LCOR: variants seen among roughly 807,000 people sequenced by gnomAD.
LCOR encodes the protein ligand-dependent corepressor.
LCOR carries 14 observed loss-of-function variants against 64.4 expected under a neutral mutation model. The observed-to-expected ratio is 0.22, with a 90% confidence interval of 0.14 to 0.34. The LOEUF (loss-of-function observed/expected upper bound fraction) is 0.34, where lower values mean the gene tolerates loss of function less well. LCOR is among the 10% of genes least tolerant of loss of function. The pLI is 1.00. For missense variants in LCOR, 1,686 were observed against 1,765.3 expected (o/e 0.96, Z 0.80); for synonymous variants, 643 against 642.5 (o/e 1.00, Z -0.01).
intron 7 of LCOR, among the ~76,000 whole-genome samples, chr10:96,980,166 A>C (rs1848071932): frequency 6.7e-6 from 1 of 150,144 alleles, no homozygotes; most frequent in Admixed American, 6.6e-5. Flanking sequence ...ACAAAACAAA[A>C]AAAAAAAACT....
intron 4 of LCOR, among the ~76,000 whole-genome samples, chr10:96,943,296 A>G (rs1360597001): frequency 3.2e-4 from 48 of 152,062 alleles, no homozygotes. Context: ...GGGTTTCACC[A>G]TTGTTGGCCA....
At chr10:96,882,822 C>T (rs989028283) in intron 2 of LCOR, among the ~76,000 whole-genome samples, 18 of 152,040 alleles carry the variant, frequency 1.2e-4, no homozygotes, top group African/African-American at 4.3e-4. Flanking sequence ...AGTTGGAATC[C>T]TATAGTATGT....
chr10:96,868,670 T>G (rs1354965932), intron 2 of LCOR, among the ~76,000 whole-genome samples: 2 of 152,208 alleles, frequency 1.3e-5, no homozygotes, highest in Non-Finnish European at 2.9e-5. Flanking sequence ...TAGTCTAACC[T>G]TTCGTATCAG....
chr10:96,923,851 G>T (rs1346757220), intron 4 of LCOR, among the ~76,000 whole-genome samples: 1 of 152,130 alleles, frequency 6.6e-6, no homozygotes, highest in East Asian at 1.9e-4. Flanking sequence ...CTAGCCCACA[G>T]GCTGTTTTTA....
At chr10:96,836,722 G>A (rs1424167171) in intron 2 of LCOR, among the ~76,000 whole-genome samples, 1 of 152,196 alleles carries the variant, frequency 6.6e-6, no homozygotes, top group Non-Finnish European at 1.5e-5. Context: ...GATGGAAAAG[G>A]CATTCCATTC....
At position 96,990,685 on chromosome 10, in the gene LCOR, C is replaced by CT. The variant is rs1848192398; in HGVS notation, c.*5555dup. ...TTTGTGGAGTGTGTCCTTGCTCAGG[C>CT]TTTTGCCTTGGGATTGAACCGAAGC... On this transcript the variant is annotated 3_prime_UTR_variant, in exon 8 of 8. Transcript: ENST00000421806. 1 of 152,308 alleles carries CT rather than the reference C, an allele frequency of 6.6e-6. No individual in the cohort carries two copies. Among genetic ancestry groups the CT allele is most frequent in the Non-Finnish European group, 1.5e-5 (1 of 68,150 alleles). The allele number at this position is 152,308 out of a possible 1,614,324, so 9.4% of individuals were successfully genotyped here.
intron 2 of LCOR, among the ~76,000 whole-genome samples, chr10:96,861,381 G>A (rs1329628991): frequency 6.6e-6 from 1 of 152,144 alleles, no homozygotes; most frequent in Non-Finnish European, 1.5e-5. Flanking sequence ...GGTAGTGTGA[G>A]TGTGGGAAAA....
rs140843305 is a variant in LCOR, at chr10:96,930,954, A to G, written c.-183-13159A>G. 1.6e-3 allele frequency among the ~76,000 whole-genome samples: 248 copies of G among 152,284 alleles called. 5 individuals are homozygous for G. In the East Asian group the frequency reaches 0.041, roughly 25 times the overall value. Reference sequence around the variant, plus strand: ...ATTTATAAATGACTTACTCTCAGGAATTTTATTATAGCAGCACAAAATGGG... The same window carrying G: ...ATTTATAAATGACTTACTCTCAGGAGTTTTATTATAGCAGCACAAAATGGG... On this transcript the variant is annotated intron_variant, in intron 4 of 7. Transcript: ENST00000421806.
At position 96,989,697 on chromosome 10, in the gene LCOR, T is replaced by TATATATATATATATA. The variant is rs1564647797; in HGVS notation, c.*4563_*4564insATATATATATATATA. The TATATATATATATATA allele has an allele frequency of 3.4e-4, 16 of 47,124 alleles. No homozygotes were observed. Among genetic ancestry groups the TATATATATATATATA allele is most frequent in the African/African-American group, 7.0e-4 (6 of 8,610 alleles). 2.9% of individuals were successfully genotyped at this position (47,124 alleles called of 1,614,324 possible). A position where few individuals can be genotyped will look rare whatever the true frequency, so the allele number is the denominator to read the frequency against. ...AGGATATATATATATATATATATAT[T>TATATATATATATATA]TTTTTTTTTTTTTTTTTTTTTTAAT... On this transcript the variant is annotated 3_prime_UTR_variant, in exon 8 of 8. Coordinates refer to ENST00000421806, the MANE Select transcript of LCOR (RefSeq NM_001346516.2).
At chr10:96,976,473 A>G (rs1848041063) in intron 7 of LCOR, among the ~76,000 whole-genome samples, 1 of 152,120 alleles carries the variant, frequency 6.6e-6, no homozygotes, top group Non-Finnish European at 1.5e-5. Context: ...AGGTTGTGAA[A>G]TACATTCCTA....
At chr10:96,914,639 CT>C (rs1846906286) in intron 4 of LCOR, among the ~76,000 whole-genome samples, 1 of 152,220 alleles carries the variant, frequency 6.6e-6, no homozygotes, top group Non-Finnish European at 1.5e-5. Context: ...TATAGAAGAA[CT>C]TTCAAACTCC....
At position 96,920,450 on chromosome 10, in the gene LCOR, A is replaced by ATG. The variant is rs1341065246; in HGVS notation, c.-184+12704_-184+12705insGT. 2.6e-3 allele frequency among the ~76,000 whole-genome samples: 255 copies of ATG among 99,044 alleles called. 13 individuals carry two copies. The highest frequency in any genetic ancestry group is 0.014 in the African/African-American group (225 of 16,634). The allele number at this position is 99,044 out of a possible 152,430, so 65.0% of individuals were successfully genotyped here. A position where few individuals can be genotyped will look rare whatever the true frequency, so the allele number is the denominator to read the frequency against. On this transcript the variant is annotated intron_variant, in intron 4 of 7. Coordinates refer to ENST00000421806, the MANE Select transcript of LCOR (RefSeq NM_001346516.2). ...TATATATGTGTATATATGTGTATATATATGTATATTCATATATGTGTATAT... is the reference window on the plus strand; with the variant it reads ...TATATATGTGTATATATGTGTATATATGTATGTATATTCATATATGTGTATAT...
intron 2 of LCOR, among the ~76,000 whole-genome samples, chr10:96,860,756 A>C (rs1845875153): frequency 6.6e-6 from 1 of 152,218 alleles, no homozygotes; most frequent in Non-Finnish European, 1.5e-5. Flanking sequence ...ATGGAACTTT[A>C]CATTTTAGTC....
chr10:96,894,995 CTTTAAACA>C (rs1323708790), intron 2 of LCOR, among the ~76,000 whole-genome samples: 6 of 152,140 alleles, frequency 3.9e-5, no homozygotes, highest in Non-Finnish European at 8.8e-5. Context: ...TCTTTCTAAT[CTTTAAACA>C]TTGGAATGCT....
At chr10:96,909,787 T>A (rs1056209786) in intron 4 of LCOR, among the ~76,000 whole-genome samples, 1 of 152,210 alleles carries the variant, frequency 6.6e-6, no homozygotes, top group Non-Finnish European at 1.5e-5. Context: ...TAAAATTTAA[T>A]CTGGCTCCAA....
chr10:96,941,444 A>G (rs1253945878), intron 4 of LCOR, among the ~76,000 whole-genome samples: 8 of 122,568 alleles, frequency 6.5e-5, no homozygotes, highest in East Asian at 2.8e-4. Context: ...GGACGGGGCG[A>G]CTGGCCGGGC....
intron 2 of LCOR, among the ~76,000 whole-genome samples, chr10:96,898,927 G>T (rs1323991130): frequency 6.6e-6 from 1 of 152,062 alleles, no homozygotes; most frequent in African/African-American, 2.4e-5. Flanking sequence ...ATTTAGGGAT[G>T]GAAAAGAGAG....
At chr10:96,922,696 A>C (rs1847100978) in intron 4 of LCOR, among the ~76,000 whole-genome samples, 1 of 152,208 alleles carries the variant, frequency 6.6e-6, no homozygotes, top group Non-Finnish European at 1.5e-5. Context: ...TTTTTCGTTT[A>C]ATGTTGTTAA....
intron 7 of LCOR, among the ~76,000 whole-genome samples, chr10:96,953,705 G>A (rs1300448216): frequency 6.6e-6 from 1 of 152,170 alleles, no homozygotes; most frequent in Admixed American, 6.5e-5. Context: ...AAGTTGCTGT[G>A]TTTATCCCTC....
Sources: gnomAD v4.1 joint callset for allele counts (sites outside exome capture counted in the v4.1 genomes callset) on GRCh38, gnomAD v4.1.1 for gene constraint, MANE v1.5 for transcripts, NCBI Gene and HGNC (gene_info 2026-07-23, HGNC 2026-07-21) for gene names.